TBC1D32: variants seen among roughly 807,000 people sequenced by gnomAD.
The protein encoded by TBC1D32 is protein broad-minded.
Under a neutral mutation model 170.3 loss-of-function variants are expected in TBC1D32, and 151 were observed. The ratio of observed to expected loss-of-function variants is 0.89; its 90% CI spans 0.78 to 1.01. TBC1D32 has a LOEUF of 1.01. TBC1D32 is among the 50% of genes least tolerant of loss of function. The pLI, the probability that TBC1D32 is intolerant of heterozygous loss-of-function variation, is 0.00. For synonymous variants in TBC1D32, 498 were observed against 488.0 expected, an observed-to-expected ratio of 1.02 and a Z score of -0.27; for missense variants, 1,464 against 1,457.1, an observed-to-expected ratio of 1.00 and a Z score of -0.08.
intron 21 of TBC1D32, among the ~76,000 whole-genome samples, chr6:121,213,005 C>T (rs1287541204): frequency 1.3e-5 from 2 of 152,132 alleles, no homozygotes; most frequent in African/African-American, 2.4e-5. Flanking sequence ...CAACATCCTT[C>T]GTGTTAAAAA....
chr6:121,309,137 A>G (rs942420134), intron 4 of TBC1D32, among the ~76,000 whole-genome samples: 4 of 152,310 alleles, frequency 2.6e-5, no homozygotes, highest in African/African-American at 9.6e-5. Flanking sequence ...AGAACTCCTC[A>G]ATATAACTTT....
chr6:121,298,194 C>T (rs1020809448), intron 10 of TBC1D32, among the ~76,000 whole-genome samples: 11 of 151,944 alleles, frequency 7.2e-5, no homozygotes, highest in African/African-American at 2.7e-4. Flanking sequence ...TGTAGGAAAG[C>T]TTTTTAGTGC....
intron 26 of TBC1D32, among the ~76,000 whole-genome samples, chr6:121,124,437 TCTCA>T (rs1434802642): frequency 6.6e-6 from 1 of 152,180 alleles, no homozygotes; most frequent in Non-Finnish European, 1.5e-5. Context: ...GCTTATTTTC[TCTCA>T]CTGTTTTCAG....
chr6:121,248,426 A>G (rs1420057734), intron 17 of TBC1D32, among the ~76,000 whole-genome samples: 1 of 151,934 alleles, frequency 6.6e-6, no homozygotes, highest in African/African-American at 2.4e-5. Flanking sequence ...ACAAGAACAA[A>G]CTAAACCCAA....
Position 121,220,978 on chromosome 6 carries a change from G to A in TBC1D32, c.2481+2258C>T, listed in dbSNP as rs530260285. Among the ~76,000 whole-genome samples, 54 of 141,166 alleles carry A rather than the reference G, an allele frequency of 3.8e-4. No homozygotes were observed. In the South Asian group the frequency reaches 0.011, roughly 30 times the overall value. The allele number at this position is 141,166 out of a possible 152,430, so 92.6% of individuals were successfully genotyped here. On this transcript the variant is annotated intron_variant, in intron 21 of 31. Transcript: ENST00000398212. ...ATGCAAACAAAACAGCCTTATATTGGAAGAAGATACCGTCTAGGATTTTCA... is the reference window on the plus strand; with the variant it reads ...ATGCAAACAAAACAGCCTTATATTGAAAGAAGATACCGTCTAGGATTTTCA...
chr6:121,241,600 AT>A (rs1487085985), intron 18 of TBC1D32, 48 bp from the exon 19 acceptor site: 1 of 1,438,010 alleles, frequency 7.0e-7, no homozygotes, highest in Admixed American at 1.7e-5. Flanking sequence ...AAAACATGGC[AT>A]GCTAACTAGA....
Position 121,281,568 on chromosome 6 carries a change from A to C in TBC1D32, c.1584T>G (p.Ile528Met). Reference protein sequence around the residue: ...NIVIETLLQPIHNLMKGNEAS... With the variant: ...NIVIETLLQPMHNLMKGNEAS... ...CCTCATTTCCTTTCATTAAATTGTG[A>C]ATAGGCTGAAGAAGTGTCTCTATTA... is the stretch of plus-strand genomic sequence containing the variant. The change falls in exon 14 of 32, where the codon ATT (isoleucine) becomes ATG (methionine). Residue 528 changes from isoleucine to methionine, a missense_variant. Around this residue, in one of 3 missense-constraint regions of TBC1D32, gnomAD observed 1,363 missense variants for 1,338.1 expected, o/e 1.02. Coordinates refer to ENST00000398212, the MANE Select transcript of TBC1D32 (RefSeq NM_152730.6). 1 of 1,605,806 alleles carries C rather than the reference A, an allele frequency of 6.2e-7. No individual in the cohort carries two copies. Among genetic ancestry groups the C allele is most frequent in the Admixed American group, 1.7e-5 (1 of 58,888 alleles).
chr6:121,321,852 A>T, intron 1 of TBC1D32, 58 bp from the exon 2 acceptor site: 1 of 1,430,400 alleles, frequency 7.0e-7, no homozygotes, highest in East Asian at 2.4e-5. Context: ...TTCAGAAAAA[A>T]AAATCAACAC....
At chr6:121,227,876 T>C (rs1299151015) in intron 20 of TBC1D32, among the ~76,000 whole-genome samples, 3 of 152,156 alleles carry the variant, frequency 2.0e-5, no homozygotes, top group Non-Finnish European at 4.4e-5. Flanking sequence ...ATCAGTGCTC[T>C]TTCTCCTACA....
intron 24 of TBC1D32, among the ~76,000 whole-genome samples, chr6:121,132,596 C>A (rs1377964547): frequency 6.6e-6 from 1 of 151,898 alleles, no homozygotes; most frequent in African/African-American, 2.4e-5. Context: ...TTATGCTTTT[C>A]TCCTGTTAAT....
At position 121,238,237 on chromosome 6, in the gene TBC1D32, A is replaced by G. The variant is rs577062803; in HGVS notation, c.2364+833T>C. Among the ~76,000 whole-genome samples the G allele has an allele frequency of 1.3e-4, 20 of 152,236 alleles. No homozygotes were observed. In the East Asian group the frequency reaches 2.5e-3, roughly 19 times the overall value. On this transcript the variant is annotated intron_variant, in intron 20 of 31. Transcript: ENST00000398212. Reference sequence around the variant, plus strand: ...TTTAGATTTCTATCAGTGGAGCACAAATTTTCTACCTTAAGCAAAAATCTG... The same window carrying G: ...TTTAGATTTCTATCAGTGGAGCACAGATTTTCTACCTTAAGCAAAAATCTG...
intron 22 of TBC1D32, among the ~76,000 whole-genome samples, chr6:121,162,763 C>A (rs1442054211): frequency 6.8e-6 from 1 of 147,390 alleles, no homozygotes; most frequent in Non-Finnish European, 1.5e-5. Flanking sequence ...CAGCTCCCAG[C>A]GTGAGCGACG....
At chr6:121,087,729 C>G (rs1009995133) in intron 31 of TBC1D32, among the ~76,000 whole-genome samples, 6 of 152,072 alleles carry the variant, frequency 3.9e-5, no homozygotes, top group African/African-American at 1.4e-4. Context: ...TCAATTTCTT[C>G]TTAAAAATAG....
chr6:121,206,000 A>T (rs2128305556), intron 21 of TBC1D32, among the ~76,000 whole-genome samples: 1 of 152,250 alleles, frequency 6.6e-6, no homozygotes, highest in South Asian at 2.1e-4. Context: ...CCACAAGGTC[A>T]GGAGTTCGAG....
intron 16 of TBC1D32, among the ~76,000 whole-genome samples, chr6:121,255,714 A>G (rs568238993): frequency 6.6e-6 from 1 of 152,086 alleles, no homozygotes; most frequent in African/African-American, 2.4e-5. Context: ...TGATATACAC[A>G]TATATGGCTA....
intron 2 of TBC1D32, among the ~76,000 whole-genome samples, chr6:121,319,920 T>C (rs931347604): frequency 6.6e-6 from 1 of 152,112 alleles, no homozygotes; most frequent in Non-Finnish European, 1.5e-5. Context: ...GATTCCTTCA[T>C]GCTTTGCAAG....
intron 9 of TBC1D32, among the ~76,000 whole-genome samples, chr6:121,301,188 G>A (rs201556226): frequency 3.3e-5 from 5 of 152,090 alleles, no homozygotes; most frequent in Non-Finnish European, 7.4e-5. Flanking sequence ...TCCCATTACC[G>A]GGTATATACC....
At chr6:121,098,788 T>C (rs540294111) in intron 30 of TBC1D32, among the ~76,000 whole-genome samples, 6 of 151,998 alleles carry the variant, frequency 3.9e-5, no homozygotes, top group South Asian at 2.1e-4. Flanking sequence ...CATCCACTTG[T>C]ATATGATCCA....
At chr6:121,236,915 C>T (rs190335471) in intron 20 of TBC1D32, 1 of 152,066 alleles carries the variant, frequency 6.6e-6, no homozygotes, top group African/African-American at 2.4e-5. Context: ...AAAAACCAAT[C>T]ATATGTATTT....
Sources: gnomAD v4.1 joint callset for allele counts (sites outside exome capture counted in the v4.1 genomes callset) on GRCh38, gnomAD v4.1.1 for gene constraint, gnomAD v4.1.1 regional missense constraint, MANE v1.5 for transcripts, NCBI Gene and HGNC (gene_info 2026-07-23, HGNC 2026-07-21) for gene names.